TASP1: variants seen among roughly 807,000 people sequenced by gnomAD.
TASP1 encodes threonine aspartase 1.
In TASP1, 16 loss-of-function variants were observed where a neutral mutation model predicts 56.6. That is an observed-to-expected ratio of 0.28 (90% CI 0.19 to 0.43). The LOEUF (loss-of-function observed/expected upper bound fraction) is 0.43, where lower values mean the gene tolerates loss of function less well. Ranked by LOEUF, TASP1 falls within the 20% of genes least tolerant of loss-of-function variation. The probability of loss-of-function intolerance (pLI) is 1.00; values close to 1 mark genes in which losing one functional copy is unlikely to be tolerated. For missense variants in TASP1, 393 were observed against 511.6 expected (o/e 0.77, Z 2.24); for synonymous variants, 179 against 184.2 (o/e 0.97, Z 0.23).
At chr20:13,491,875 T>G (rs1363270541) in intron 10 of TASP1, among the ~76,000 whole-genome samples, 1 of 152,048 alleles carries the variant, frequency 6.6e-6, no homozygotes, top group Non-Finnish European at 1.5e-5. Flanking sequence ...GTCCAGTTAT[T>G]AATGTAGTGT....
At position 13,444,843 on chromosome 20, in the gene TASP1, T is replaced by C. The variant is rs147926278; in HGVS notation, c.986-9689A>G. Among the ~76,000 whole-genome samples the C allele has an allele frequency of 1.2e-3, 180 of 152,222 alleles. 1 individual carries two copies. The highest frequency in any genetic ancestry group is 2.5e-3 in the South Asian group (12 of 4,828). ...CAAGGAAGAAGTGGGAGCTGGGCAT[T>C]AAACCACTGGTCCAGGTCTCTGTCT... is the stretch of plus-strand genomic sequence containing the variant. On this transcript the variant is annotated intron_variant, in intron 11 of 13. Coordinates refer to ENST00000337743, the MANE Select transcript of TASP1 (RefSeq NM_017714.3).
At chr20:13,404,715 T>C (rs573672875) in intron 13 of TASP1, among the ~76,000 whole-genome samples, 2 of 152,292 alleles carry the variant, frequency 1.3e-5, no homozygotes, top group African/African-American at 4.8e-5. Context: ...CATCAAGATT[T>C]ACATACATAA....
At chr20:13,583,886 C>T (rs2047210462) in intron 5 of TASP1, among the ~76,000 whole-genome samples, 6 of 152,092 alleles carry the variant, frequency 3.9e-5, no homozygotes. Flanking sequence ...TCAAGACCAG[C>T]TTGGCCAGCA....
chr20:13,503,701 T>C (rs529281331), intron 10 of TASP1, among the ~76,000 whole-genome samples: 8 of 151,250 alleles, frequency 5.3e-5, no homozygotes, highest in Admixed American at 2.6e-4. Flanking sequence ...AAAAAATATA[T>C]AGACAACACA....
chr20:13,184,273 A>G, the TASP1 span, among the ~76,000 whole-genome samples: 2 of 152,204 alleles, frequency 1.3e-5, no homozygotes, highest in Non-Finnish European at 2.9e-5. Flanking sequence ...CCAGGTACCT[A>G]TGAAATCTTA....
intron 4 of TASP1, among the ~76,000 whole-genome samples, chr20:13,596,692 C>A (rs6105137): frequency 6.6e-6 from 1 of 152,038 alleles, no homozygotes; most frequent in African/African-American, 2.4e-5. Context: ...TAGAGCAGAA[C>A]TGAAGGAGAC....
Position 13,408,648 on chromosome 20 carries a change from T to C in TASP1, c.1170+8800A>G, listed in dbSNP as rs149537308. 9.6e-4 allele frequency among the ~76,000 whole-genome samples: 146 copies of C among 152,300 alleles called. 1 individual carries two copies. The highest frequency in any genetic ancestry group is 3.1e-3 in the African/African-American group (129 of 41,582). ...GGGCATAAAGTTTACTTTATGAGAA[T>C]GTTTTGCTTATAGAAATTCAATTTC... On this transcript the variant is annotated intron_variant, in intron 13 of 13. Coordinates refer to ENST00000337743, the MANE Select transcript of TASP1 (RefSeq NM_017714.3).
rs1248084870 is a variant in TASP1 at position 13,587,301 on chromosome 20, T to C, written c.352A>G (p.Ser118Gly). 1 of 1,613,056 alleles carries C rather than the reference T, an allele frequency of 6.2e-7. No homozygotes were observed. The highest frequency in any genetic ancestry group is 8.5e-7 in the Non-Finnish European group (1 of 1,179,634). Reference sequence around the variant, plus strand: ...TTTAAGGATTTTCCATCCATTATGCTGGCATCACACTCAATTTCACCTAAC... The same window carrying C: ...TTTAAGGATTTTCCATCCATTATGCCGGCATCACACTCAATTTCACCTAAC... ...NLLGEIECDA[S>G]IMDGKSLNFG... Residue 118 changes from serine (S) to glycine (G), a missense_variant, in exon 5 of 14, where the codon AGC (serine) becomes GGC (glycine). Transcript: ENST00000337743.
the TASP1 span, among the ~76,000 whole-genome samples, chr20:13,272,735 T>A: frequency 1.3e-5 from 2 of 152,198 alleles, no homozygotes; most frequent in Admixed American, 1.3e-4. Context: ...CCACGTGGTG[T>A]GATAAAGAGC....
the TASP1 span, among the ~76,000 whole-genome samples, chr20:13,266,801 T>C: frequency 6.6e-6 from 1 of 152,156 alleles, no homozygotes; most frequent in African/African-American, 2.4e-5. Context: ...ATTTTACTTT[T>C]AACCTTGAGA....
chr20:13,325,489 G>A, the TASP1 span, among the ~76,000 whole-genome samples: 1 of 150,952 alleles, frequency 6.6e-6, no homozygotes, highest in Non-Finnish European at 1.5e-5. Context: ...CACAGTTTCT[G>A]CTACAGGAAA....
chr20:13,520,549 C>T (rs1272373301), intron 10 of TASP1, among the ~76,000 whole-genome samples: 1 of 152,214 alleles, frequency 6.6e-6, no homozygotes, highest in Admixed American at 6.5e-5. Context: ...ATAAATGGTG[C>T]TGGGAAAACT....
At chr20:13,228,098 A>G in the TASP1 span, among the ~76,000 whole-genome samples, 4 of 150,912 alleles carry the variant, frequency 2.7e-5, no homozygotes, top group African/African-American at 9.7e-5. Flanking sequence ...TCAGCCTCCC[A>G]AATAGCTGGG....
intron 10 of TASP1, among the ~76,000 whole-genome samples, chr20:13,483,982 T>A (rs1397328860): frequency 6.6e-6 from 1 of 151,806 alleles, no homozygotes; most frequent in Non-Finnish European, 1.5e-5. Context: ...AACAACCCCA[T>A]CAAAAAGTGG....
chr20:13,602,595 T>C (rs1264763907), intron 4 of TASP1, among the ~76,000 whole-genome samples: 2 of 152,170 alleles, frequency 1.3e-5, no homozygotes, highest in Non-Finnish European at 2.9e-5. Flanking sequence ...AAGACAATTT[T>C]TCCATGGATG....
the TASP1 span, among the ~76,000 whole-genome samples, chr20:13,359,158 C>T: frequency 2.9e-5 from 3 of 105,262 alleles, no homozygotes; most frequent in East Asian, 2.3e-4. Context: ...GCCACATCTC[C>T]GGCACACAAG....
At chr20:13,162,293 C>A in the TASP1 span, among the ~76,000 whole-genome samples, 1 of 152,158 alleles carries the variant, frequency 6.6e-6, no homozygotes, top group Non-Finnish European at 1.5e-5. Context: ...GGACACACAG[C>A]ATGGATGAAT....
intron 8 of TASP1, among the ~76,000 whole-genome samples, chr20:13,539,415 T>C (rs1243282147): frequency 6.6e-6 from 1 of 152,092 alleles, no homozygotes; most frequent in South Asian, 2.1e-4. Context: ...CCAGGCATGG[T>C]GGCACACACC....
chr20:13,382,464 T>C, the TASP1 span, among the ~76,000 whole-genome samples: 1 of 152,026 alleles, frequency 6.6e-6, no homozygotes, highest in Admixed American at 6.6e-5. Flanking sequence ...CTGGGCAACA[T>C]GGCAAGACCC....
Sources: allele counts gnomAD v4.1 joint callset (sites outside exome capture counted in the v4.1 genomes callset), GRCh38; gene constraint gnomAD v4.1.1; transcripts MANE v1.5; gene names NCBI Gene and HGNC (gene_info 2026-07-23, HGNC 2026-07-21).